The following CNTNAP2 variants were observed in gnomAD, a reference collection of about 807,000 sequenced individuals.
CNTNAP2 encodes the protein contactin-associated protein-like 2.
CNTNAP2 carries 98 observed loss-of-function variants against 155.2 expected under a neutral mutation model. The ratio of observed to expected loss-of-function variants is 0.63; its 90% CI spans 0.54 to 0.75. CNTNAP2 has a LOEUF of 0.75. Among genes scored for constraint, CNTNAP2 ranks in the 30% least tolerant of loss-of-function variants. CNTNAP2 has a pLI of 0.00. For missense variants in CNTNAP2, 1,727 were observed against 1,688.1 expected (o/e 1.02, Z -0.40); for synonymous variants, 651 against 631.2 (o/e 1.03, Z -0.47).
chr7:147,718,444 C>T (rs76709868), intron 13 of CNTNAP2, among the ~76,000 whole-genome samples: 1 of 152,008 alleles, frequency 6.6e-6, no homozygotes, highest in Non-Finnish European at 1.5e-5. Flanking sequence ...TTAACTGACT[C>T]TATAATATTA....
intron 12 of CNTNAP2, among the ~76,000 whole-genome samples, chr7:147,606,561 C>T (rs1419103524): frequency 6.6e-6 from 1 of 152,136 alleles, no homozygotes; most frequent in Non-Finnish European, 1.5e-5. Flanking sequence ...ATTTCATTAA[C>T]TCAGCAAGTA....
chr7:146,768,617 G>T (rs71530759), intron 1 of CNTNAP2, among the ~76,000 whole-genome samples: 2 of 151,692 alleles, frequency 1.3e-5, no homozygotes, highest in Non-Finnish European at 2.9e-5. Context: ...GAATGTACAC[G>T]TAAGACCACA....
At chr7:146,773,686 T>C (rs1802337255) in intron 1 of CNTNAP2, among the ~76,000 whole-genome samples, 1 of 152,144 alleles carries the variant, frequency 6.6e-6, no homozygotes, top group African/African-American at 2.4e-5. Context: ...GAGTCACCAC[T>C]CCCAGCCTCT....
chr7:148,105,338 A>T (rs1225546736), intron 15 of CNTNAP2, among the ~76,000 whole-genome samples: 1 of 152,154 alleles, frequency 6.6e-6, no homozygotes, highest in Non-Finnish European at 1.5e-5. Flanking sequence ...CAAAAAGAGG[A>T]AACAGTGCAA....
intron 3 of CNTNAP2, among the ~76,000 whole-genome samples, chr7:147,001,067 C>G (rs140875306): frequency 1.3e-5 from 2 of 152,038 alleles, no homozygotes; most frequent in African/African-American, 4.8e-5. Context: ...CTCTCTTTCT[C>G]CCAAGTGAAC....
At chr7:147,045,889 T>C (rs57749622) in intron 4 of CNTNAP2, among the ~76,000 whole-genome samples, 9,491 of 152,042 alleles carry the variant, frequency 0.062, 779 homozygotes, top group African/African-American at 0.19. Flanking sequence ...TATATATATA[T>C]ATAATCCTTC....
intron 3 of CNTNAP2, among the ~76,000 whole-genome samples, chr7:147,001,297 T>A (rs1185053467): frequency 6.6e-6 from 1 of 151,868 alleles, no homozygotes; most frequent in Admixed American, 6.6e-5. Flanking sequence ...CACTGGAGAG[T>A]CTTAATTGAC....
intron 18 of CNTNAP2, among the ~76,000 whole-genome samples, chr7:148,213,979 G>A (rs1357347607): frequency 6.6e-6 from 1 of 152,198 alleles, no homozygotes; most frequent in African/African-American, 2.4e-5. Flanking sequence ...TCAGACTTCA[G>A]ACCCTCTCAC....
intron 21 of CNTNAP2, among the ~76,000 whole-genome samples, chr7:148,369,624 A>T (rs949928020): frequency 1.3e-5 from 2 of 148,962 alleles, no homozygotes; most frequent in Non-Finnish European, 3.0e-5. Flanking sequence ...GGTTTGTGAG[A>T]AATGTTGCTG....
intron 20 of CNTNAP2, among the ~76,000 whole-genome samples, chr7:148,240,504 G>A (rs1429229307): frequency 6.6e-6 from 1 of 152,150 alleles, no homozygotes; most frequent in African/African-American, 2.4e-5. Flanking sequence ...TGTAAACAGA[G>A]ACCCCACGGA....
At chr7:146,795,957 AC>A (rs1563234018) in intron 2 of CNTNAP2, among the ~76,000 whole-genome samples, 1 of 152,240 alleles carries the variant, frequency 6.6e-6, no homozygotes, top group Non-Finnish European at 1.5e-5. Context: ...ATAAAGAAAT[AC>A]AATTTGAAAT....
chr7:146,930,059 C>T (rs531394535), intron 3 of CNTNAP2, among the ~76,000 whole-genome samples: 4 of 152,024 alleles, frequency 2.6e-5, no homozygotes, highest in Non-Finnish European at 5.9e-5. Flanking sequence ...GCAAGGCAGG[C>T]CAACATTCAG....
intron 19 of CNTNAP2, among the ~76,000 whole-genome samples, chr7:148,225,452 C>T (rs1465092551): frequency 6.6e-6 from 1 of 151,962 alleles, no homozygotes; most frequent in African/African-American, 2.4e-5. Context: ...GAACAGGAAG[C>T]CAATGTGGAT....
chr7:146,560,975 A>C (rs1798270874), intron 1 of CNTNAP2, among the ~76,000 whole-genome samples: 1 of 152,170 alleles, frequency 6.6e-6, no homozygotes, highest in Non-Finnish European at 1.5e-5. Flanking sequence ...CCTTCATTAC[A>C]TAAGGAATTC....
chr7:146,289,811 T>G lies in CNTNAP2; in HGVS notation c.97+172838T>G, dbSNP rs373658884. Among the ~76,000 whole-genome samples the G allele has an allele frequency of 4.2e-4, 64 of 152,344 alleles. 1 individual carries two copies. In the East Asian group the frequency reaches 0.012, roughly 28 times the overall value. On this transcript the variant is annotated intron_variant, in intron 1 of 23. Coordinates refer to ENST00000361727, the MANE Select transcript of CNTNAP2 (RefSeq NM_014141.6). Reference sequence around the variant, plus strand: ...AGAGCAGAAACATACAAAGGTGAGATGAATCTTTGTACAATATGTCTTTCT... The same window carrying G: ...AGAGCAGAAACATACAAAGGTGAGAGGAATCTTTGTACAATATGTCTTTCT...
intron 8 of CNTNAP2, among the ~76,000 whole-genome samples, chr7:147,151,244 A>G (rs939978043): frequency 8.5e-5 from 13 of 152,172 alleles, no homozygotes; most frequent in African/African-American, 3.1e-4. Flanking sequence ...ACCCTAGGCT[A>G]GTGAAAAACA....
At chr7:146,952,311 C>G (rs922485111) in intron 3 of CNTNAP2, among the ~76,000 whole-genome samples, 2 of 152,154 alleles carry the variant, frequency 1.3e-5, no homozygotes, top group Non-Finnish European at 2.9e-5. Flanking sequence ...GACAGACCCA[C>G]AGCCAATATC....
chr7:146,913,798 T>A (rs1256354736), intron 3 of CNTNAP2, among the ~76,000 whole-genome samples: 3 of 152,038 alleles, frequency 2.0e-5, no homozygotes, highest in Non-Finnish European at 4.4e-5. Context: ...AGGTGGTGTT[T>A]GGTGACATGA....
At chr7:147,275,714 T>C (rs1467467732) in intron 8 of CNTNAP2, among the ~76,000 whole-genome samples, 1 of 151,998 alleles carries the variant, frequency 6.6e-6, no homozygotes, top group Non-Finnish European at 1.5e-5. Context: ...GAAAGTCGTA[T>C]TGAGGGTGGG....
Sources: gnomAD v4.1 joint callset for allele counts (sites outside exome capture counted in the v4.1 genomes callset) on GRCh38, gnomAD v4.1.1 for gene constraint, MANE v1.5 for transcripts, NCBI Gene and HGNC (gene_info 2026-07-23, HGNC 2026-07-21) for gene names.